The following TBX15 variants were observed in gnomAD, a reference collection of about 807,000 sequenced individuals.
TBX15 encodes the protein T-box transcription factor 15, also known as T-box transcription factor TBX15.
Under a neutral mutation model 53.9 loss-of-function variants are expected in TBX15, and 18 were observed. The observed-to-expected ratio is 0.33, with a 90% CI of 0.23 to 0.49. The LOEUF is 0.49. Among genes scored for constraint, TBX15 ranks in the 20% least tolerant of loss-of-function variants. TBX15 has a pLI of 0.98. For missense variants in TBX15, 692 were observed against 749.5 expected (o/e 0.92, Z 0.90); for synonymous variants, 295 against 278.0 (o/e 1.06, Z -0.61).
In TBX15 at chr1:118,896,147, C is replaced by T. The variant is rs571911469; in HGVS notation, c.1024+2881G>A. Among the ~76,000 whole-genome samples, 275 of 152,226 alleles carry T rather than the reference C, an allele frequency of 1.8e-3. 1 individual carries two copies. Among genetic ancestry groups the T allele is most frequent in the African/African-American group, 5.4e-3 (225 of 41,542 alleles). ...AGTATATTTCATGTGTGGCCCAAGA[C>T]GATTTTTCTTCTTCCAATGTGGTGC... On this transcript the variant is annotated intron_variant, in intron 7 of 7. Coordinates refer to ENST00000369429, the MANE Select transcript of TBX15 (RefSeq NM_001330677.2).
intron 6 of TBX15, among the ~76,000 whole-genome samples, chr1:118,899,984 TA>T (rs1276294041): frequency 6.6e-6 from 1 of 152,236 alleles, no homozygotes; most frequent in African/African-American, 2.4e-5. Context: ...AGTGCTGATA[TA>T]CATCATTTTC....
intron 2 of TBX15, among the ~76,000 whole-genome samples, chr1:118,929,128 T>G (rs772684295): frequency 6.6e-6 from 1 of 152,228 alleles, no homozygotes; most frequent in Non-Finnish European, 1.5e-5. Flanking sequence ...TCTAAACCCA[T>G]TAATCCTTGC....
At chr1:118,931,548 A>C (rs1250095782) in intron 2 of TBX15, 71 bp downstream of exon 2, 28 of 1,523,022 alleles carry the variant, frequency 1.8e-5, no homozygotes, top group Middle Eastern at 1.7e-4. Flanking sequence ...ATAAATAAGA[A>C]TGGAAGAATG....
intron 7 of TBX15, among the ~76,000 whole-genome samples, chr1:118,893,561 A>AGAAGGAAGAAAGGAAAG (rs1557872963): frequency 7.9e-6 from 1 of 126,932 alleles, no homozygotes; most frequent in African/African-American, 4.2e-5. Context: ...AAGGAAGGAA[A>AGAAGGAAGAAAGGAAAG]GAAGGAAGGA....
intron 6 of TBX15, among the ~76,000 whole-genome samples, chr1:118,906,734 G>A (rs1557878554): frequency 1.3e-5 from 2 of 152,174 alleles, no homozygotes; most frequent in Admixed American, 6.5e-5. Context: ...AATGCAGTGA[G>A]TGGCACCAGT....
intron 1 of TBX15, among the ~76,000 whole-genome samples, chr1:118,940,430 A>G (rs1656134355): frequency 6.6e-6 from 1 of 151,934 alleles, no homozygotes; most frequent in Non-Finnish European, 1.5e-5. Flanking sequence ...TTTAGCCTAG[A>G]CCATTAAGCA....
At chr1:118,944,389 C>G (rs1454939830) in intron 1 of TBX15, among the ~76,000 whole-genome samples, 3 of 152,198 alleles carry the variant, frequency 2.0e-5, no homozygotes, top group Admixed American at 1.3e-4. Flanking sequence ...ATTCCCGACT[C>G]CTTGAGTCAT....
chr1:118,946,201 G>T (rs1163057115), intron 1 of TBX15, among the ~76,000 whole-genome samples: 2 of 152,184 alleles, frequency 1.3e-5, no homozygotes, highest in South Asian at 4.1e-4. Context: ...TATGACACTT[G>T]CTATACTTGT....
At chr1:118,926,360 C>G in intron 3 of TBX15, 150 bp downstream of exon 3, 1 of 748,370 alleles carries the variant, frequency 1.3e-6, no homozygotes, top group East Asian at 2.8e-5. Context: ...ACTTTTTCCA[C>G]CTGGTGCTCT....
chr1:118,893,330 A>AAAG (rs1654232214), intron 7 of TBX15, among the ~76,000 whole-genome samples: 1 of 75,886 alleles, frequency 1.3e-5, no homozygotes, highest in Non-Finnish European at 2.4e-5. Context: ...AAGAAAGAAG[A>AAAG]AAGAAGGAAG....
intron 5 of TBX15, among the ~76,000 whole-genome samples, chr1:118,920,028 CA>C (rs1183946516): frequency 6.6e-6 from 1 of 152,124 alleles, no homozygotes; most frequent in Non-Finnish European, 1.5e-5. Context: ...CTGATTCAGA[CA>C]AAATCATCAA....
intron 1 of TBX15, among the ~76,000 whole-genome samples, chr1:118,933,371 A>C (rs1655864264): frequency 6.6e-6 from 1 of 152,076 alleles, no homozygotes; most frequent in African/African-American, 2.4e-5. Flanking sequence ...ATAAAGGGGA[A>C]GTTTCTGACC....
chr1:118,891,866 C>T (rs1321296332), intron 7 of TBX15, among the ~76,000 whole-genome samples: 2 of 152,108 alleles, frequency 1.3e-5, no homozygotes, highest in Admixed American at 1.3e-4. Context: ...TTTCATGACC[C>T]AATGAGTTTC....
intron 1 of TBX15, among the ~76,000 whole-genome samples, chr1:118,961,671 TC>T (rs1396401371): frequency 3.9e-5 from 6 of 152,184 alleles, no homozygotes; most frequent in African/African-American, 1.4e-4. Flanking sequence ...GCTCAAAATT[TC>T]CTATCTAGTA....
At chr1:118,887,751 C>A (rs1653997105) in intron 7 of TBX15, among the ~76,000 whole-genome samples, 2 of 151,244 alleles carry the variant, frequency 1.3e-5, no homozygotes, top group Admixed American at 6.6e-5. Flanking sequence ...ACACAGGGGT[C>A]CCAGATGTGT....
intron 2 of TBX15, among the ~76,000 whole-genome samples, chr1:118,928,737 A>G (rs1288562621): frequency 2.6e-5 from 4 of 152,214 alleles, no homozygotes; most frequent in Admixed American, 2.6e-4. Flanking sequence ...AAGGTGTTAG[A>G]TGTTTTTAAT....
intron 1 of TBX15, among the ~76,000 whole-genome samples, chr1:118,938,919 A>G (rs1185313119): frequency 6.6e-6 from 1 of 152,194 alleles, no homozygotes; most frequent in Non-Finnish European, 1.5e-5. Flanking sequence ...AGACACATGC[A>G]TTTGTATGTT....
intron 1 of TBX15, among the ~76,000 whole-genome samples, chr1:118,983,632 C>CGAGT (rs1657718013): frequency 6.6e-6 from 1 of 152,218 alleles, no homozygotes. Context: ...ACCTGACAAG[C>CGAGT]GAGTACCTTG....
intron 1 of TBX15, among the ~76,000 whole-genome samples, chr1:118,953,530 T>G (rs557874663): frequency 2.0e-5 from 3 of 152,162 alleles, no homozygotes; most frequent in African/African-American, 7.2e-5. Context: ...CATTTTAAAG[T>G]GAAATTTCAT....
Sources: gnomAD v4.1 joint callset for allele counts (sites outside exome capture counted in the v4.1 genomes callset) on GRCh38, gnomAD v4.1.1 for gene constraint, MANE v1.5 for transcripts, NCBI Gene and HGNC (gene_info 2026-07-23, HGNC 2026-07-21) for gene names.